Variants in KCNQ3 observed in about 807,000 individuals in gnomAD.
KCNQ3 encodes potassium voltage-gated channel subfamily Q member 3.
A neutral mutation model predicts 92.5 loss-of-function variants in KCNQ3; 30 were observed. That is an observed-to-expected ratio of 0.32 (90% confidence interval 0.24 to 0.44). The LOEUF is 0.44. Ranked by LOEUF, KCNQ3 falls within the 20% of genes least tolerant of loss-of-function variation. KCNQ3 has a pLI of 1.00. For missense variants in KCNQ3, 913 were observed against 1,140.3 expected, an observed-to-expected ratio of 0.80 and a Z score of 2.87; for synonymous variants, 450 against 468.8, an observed-to-expected ratio of 0.96 and a Z score of 0.52.
At chr8:132,291,242 T>C (rs1816826188) in intron 1 of KCNQ3, among the ~76,000 whole-genome samples, 1 of 152,196 alleles carries the variant, frequency 6.6e-6, no homozygotes. Context: ...TAAATGTTAA[T>C]TTCCTTGCCT....
intron 1 of KCNQ3, among the ~76,000 whole-genome samples, chr8:132,478,801 C>G (rs1193562388): frequency 6.6e-6 from 1 of 152,138 alleles, no homozygotes. Context: ...AGTCTGAGGT[C>G]CTGTGTGGAC....
intron 1 of KCNQ3, among the ~76,000 whole-genome samples, chr8:132,458,479 G>C (rs541727862): frequency 8.5e-5 from 13 of 152,244 alleles, no homozygotes; most frequent in Non-Finnish European, 1.9e-4. Flanking sequence ...TTTTGAGACA[G>C]AGTCTCACTC....
intron 1 of KCNQ3, chr8:132,278,275 C>A: frequency 1.1e-6 from 1 of 899,526 alleles, no homozygotes; most frequent in Non-Finnish European, 1.3e-6. Flanking sequence ...ATTTGGGTTG[C>A]AATTTAGACT....
chr8:132,338,914 G>A (rs1028049930), intron 1 of KCNQ3, among the ~76,000 whole-genome samples: 1 of 152,204 alleles, frequency 6.6e-6, no homozygotes. Context: ...GTGGGTCAGG[G>A]GGAGAGGGAG....
Position 132,121,986 on chromosome 8 carries a change from C to T in KCNQ3, c.*7276G>A, listed in dbSNP as rs753341469. On this transcript the variant is annotated 3_prime_UTR_variant, in exon 15 of 15. Coordinates refer to ENST00000388996, the MANE Select transcript of KCNQ3 (RefSeq NM_004519.4). ...AGACAAGAGGAACAGCTGACCCAGG[C>T]ATCACTCTACTCTCCAGGGAACTCA... 1 of 152,212 alleles carries T rather than the reference C, an allele frequency of 6.6e-6. No homozygotes were observed. Among genetic ancestry groups the T allele is most frequent in the Non-Finnish European group, 1.5e-5 (1 of 68,026 alleles). The allele number at this position is 152,212 out of a possible 1,614,324, so 9.4% of individuals were successfully genotyped here.
At chr8:132,269,189 T>C (rs185722028) in intron 1 of KCNQ3, among the ~76,000 whole-genome samples, 101 of 152,350 alleles carry the variant, frequency 6.6e-4, no homozygotes, top group African/African-American at 2.4e-3. Context: ...ACAGTGTCTT[T>C]CTCAGAGAAG....
At chr8:132,450,017 C>A (rs1225552604) in intron 1 of KCNQ3, among the ~76,000 whole-genome samples, 1 of 152,170 alleles carries the variant, frequency 6.6e-6, no homozygotes, top group African/African-American at 2.4e-5. Flanking sequence ...AAGCCGTGGA[C>A]CTCCGTGGTG....
At chr8:132,146,904 C>T (rs1314678383) in intron 9 of KCNQ3, among the ~76,000 whole-genome samples, 7 of 151,636 alleles carry the variant, frequency 4.6e-5, no homozygotes, top group African/African-American at 1.2e-4. Flanking sequence ...GTGATACGCC[C>T]GCCTCGGCCT....
Position 132,141,226 on chromosome 8 carries a change from A to G in KCNQ3, c.1368T>C (p.Ser456=), listed in dbSNP as rs559321195. The part of the protein sequence containing the change: ...TPLNVDAIEE[S]PSKEPKPVGL... ...CAACAGGCTTTGGTTCTTTAGAAGG[A>G]CTTTCTTCTATGGCATCTACATTCA... is the stretch of plus-strand genomic sequence containing the variant. The change falls in exon 10 of 15, where the codon AGT becomes AGC. Residue 456 remains serine, a synonymous_variant. Transcript: ENST00000388996. 9.3e-6 allele frequency: 15 copies of G among 1,614,200 alleles called. No homozygotes were observed. In the South Asian group the frequency reaches 1.5e-4, roughly 17 times the overall value.
At chr8:132,226,270 C>CA (rs35424607) in intron 1 of KCNQ3, among the ~76,000 whole-genome samples, 46,142 of 131,704 alleles carry the variant, frequency 0.35, 8,676 homozygotes, top group Middle Eastern at 0.53. Context: ...GATTCTGTCT[C>CA]AAAAAAAAAA....
At chr8:132,154,192 A>AGTTTTTTTTTTTTTTTTTTTTTT in intron 9 of KCNQ3, among the ~76,000 whole-genome samples, 1 of 104,472 alleles carries the variant, frequency 9.6e-6, no homozygotes, top group South Asian at 4.7e-4. Context: ...AAAGGGTAAA[A>AGTTTTTTTTTTTTTTTTTTTTTT]GTTTTTTTTT....
At chr8:132,201,734 A>G (rs890961574) in intron 1 of KCNQ3, among the ~76,000 whole-genome samples, 1 of 152,172 alleles carries the variant, frequency 6.6e-6, no homozygotes, top group Admixed American at 6.5e-5. Context: ...TCCATCCAGC[A>G]GCTCTCCCAG....
At chr8:132,188,822 A>T (rs1827074238) in intron 1 of KCNQ3, among the ~76,000 whole-genome samples, 1 of 152,232 alleles carries the variant, frequency 6.6e-6, no homozygotes, top group Non-Finnish European at 1.5e-5. Context: ...GGGAGCATCC[A>T]GGAGGGGCTG....
intron 1 of KCNQ3, among the ~76,000 whole-genome samples, chr8:132,364,783 T>C (rs1819273092): frequency 6.6e-6 from 1 of 152,134 alleles, no homozygotes. Context: ...TGAGTCAGTA[T>C]GTACTTATGC....
chr8:132,141,128 C>T lies in KCNQ3; in HGVS notation c.1465+1G>A. 2 of 1,613,950 alleles carry T rather than the reference C, an allele frequency of 1.2e-6. No homozygotes were observed. The highest frequency in any genetic ancestry group is 1.7e-6 in the Non-Finnish European group (2 of 1,179,824). ...CAGGGAGGGAGATAAAAAGGCATTACCTTCAGAACTCTGCCAGAAAGCGTA... is the reference window on the plus strand; with the variant it reads ...CAGGGAGGGAGATAAAAAGGCATTATCTTCAGAACTCTGCCAGAAAGCGTA... On this transcript the variant is annotated splice_donor_variant, in intron 10 of 14. Coordinates refer to ENST00000388996, the MANE Select transcript of KCNQ3 (RefSeq NM_004519.4). LOFTEE classifies it high-confidence loss of function.
rs1477487082 is a variant in KCNQ3 at position 132,141,221 on chromosome 8, G to C, written c.1373C>G (p.Ser458Cys). Residue 458 changes from serine (S) to cysteine (C), a missense_variant, in exon 10 of 15, where the codon TCT becomes TGT. By Grantham distance (112) the Ser-to-Cys change is moderately radical. Transcript: ENST00000388996. ...LNVDAIEESP[S>C]KEPKPVGLNN... ...TAAGCCAACAGGCTTTGGTTCTTTA[G>C]AAGGACTTTCTTCTATGGCATCTAC... is the stretch of plus-strand genomic sequence containing the variant. The C allele has an allele frequency of 1.2e-6, 2 of 1,614,068 alleles. No individual in the cohort carries two copies. The highest frequency in any genetic ancestry group is 4.5e-5 in the East Asian group (2 of 44,886).
chr8:132,148,239 G>T (rs1443593749), intron 9 of KCNQ3, among the ~76,000 whole-genome samples: 1 of 151,982 alleles, frequency 6.6e-6, no homozygotes, highest in East Asian at 1.9e-4. Flanking sequence ...TGAAGAAGAT[G>T]ATGGTAATTT....
intron 1 of KCNQ3, among the ~76,000 whole-genome samples, chr8:132,424,369 T>C (rs1821051778): frequency 6.6e-6 from 1 of 151,480 alleles, no homozygotes; most frequent in Non-Finnish European, 1.5e-5. Flanking sequence ...AACTCTAACC[T>C]CTACCTTTGG....
chr8:132,230,623 C>T (rs1373994456), intron 1 of KCNQ3, among the ~76,000 whole-genome samples: 1 of 152,158 alleles, frequency 6.6e-6, no homozygotes, highest in Non-Finnish European at 1.5e-5. Flanking sequence ...TATCCCAAAC[C>T]TCAATCAACT....
Sources: gnomAD v4.1 joint callset for allele counts (sites outside exome capture counted in the v4.1 genomes callset) on GRCh38, gnomAD v4.1.1 for gene constraint, MANE v1.5 for transcripts, NCBI Gene and HGNC (gene_info 2026-07-23, HGNC 2026-07-21) for gene names.